Variants in RBFA observed in about 807,000 individuals in gnomAD.
RBFA encodes putative ribosome-binding factor A, mitochondrial.
A neutral mutation model predicts 27.9 loss-of-function variants in RBFA; 16 were observed. That is an observed-to-expected ratio of 0.57 (90% CI 0.39 to 0.87). The LOEUF (loss-of-function observed/expected upper bound fraction) is 0.87. Among genes scored for constraint, RBFA ranks in the 40% least tolerant of loss-of-function variants. The pLI is 0.00. For synonymous variants in RBFA, 181 were observed against 181.0 expected (o/e 1.00, Z 0.00); for missense variants, 456 against 432.1 (o/e 1.06, Z -0.49).
At position 80,047,649 on chromosome 18, in the gene RBFA, C is replaced by G. The variant is rs2052065241; in HGVS notation, c.*1494C>G. ...TAAACTAAGAAGAAAGAATTTAAGG[C>G]AATTTGTAAGGATAGACAAAACCCC... On this transcript the variant is annotated 3_prime_UTR_variant, in exon 7 of 7. Transcript: ENST00000306735. Among the ~76,000 whole-genome samples the G allele has an allele frequency of 6.6e-6, 1 of 151,844 alleles. No individual in the cohort carries two copies. The highest frequency in any genetic ancestry group is 6.6e-5 in the Admixed American group (1 of 15,240).
chr18:80,038,034 G>A (rs1163898226), intron 3 of RBFA, among the ~76,000 whole-genome samples: 1 of 152,228 alleles, frequency 6.6e-6, no homozygotes, highest in South Asian at 2.1e-4. Context: ...ACTGCAAGGC[G>A]GGAGTCCTGT....
Position 80,050,213 on chromosome 18 carries a change from A to G in RBFA, c.*4058A>G, listed in dbSNP as rs953655665. Among the ~76,000 whole-genome samples, 2 of 152,178 alleles carry G rather than the reference A, an allele frequency of 1.3e-5. No individual in the cohort carries two copies. Among genetic ancestry groups the G allele is most frequent in the African/African-American group, 2.4e-5 (1 of 41,444 alleles). On this transcript the variant is annotated 3_prime_UTR_variant, in exon 7 of 7. Transcript: ENST00000306735. The stretch of plus-strand genomic sequence containing the variant: ...AGGGAGAAGGGACAGAGCTAGAGGA[A>G]GGACAGGCCTGTGCCACCCAGGCCA...
chr18:80,037,608 G>C, intron 3 of RBFA, 102 bp downstream of exon 3: 1 of 1,117,240 alleles, frequency 9.0e-7, no homozygotes, highest in African/African-American at 1.6e-5. Context: ...AGACGCTTTA[G>C]ACTGGGCGCG....
Position 80,045,974 on chromosome 18 carries a change from C to T in RBFA, c.851C>T (p.Pro284Leu). 6.2e-7 allele frequency: 1 copy of T among 1,614,092 alleles called. No individual in the cohort carries two copies. The highest frequency in any genetic ancestry group is 1.1e-5 in the South Asian group (1 of 91,078). The change falls in exon 7 of 7, where the codon CCC becomes CTC. Residue 284 changes from proline to leucine, a missense_variant. Coordinates refer to ENST00000306735, the MANE Select transcript of RBFA (RefSeq NM_024805.3). Reference protein sequence around the residue: ...QMKKGRKRAKPRLEQDSSLKS... With the variant: ...QMKKGRKRAKLRLEQDSSLKS... ...AAAAAGGGAAGGAAGAGGGCCAAGC[C>T]CCGCCTGGAGCAGGACAGCTCCCTC...
rs565823333 is a variant in RBFA at position 80,045,841 on chromosome 18, G to A, written c.718G>A (p.Asp240Asn). The A allele has an allele frequency of 4.7e-5, 74 of 1,564,898 alleles. No individual in the cohort carries two copies. The highest frequency in any genetic ancestry group is 5.9e-5 in the Non-Finnish European group (68 of 1,155,614). ...PTTSSSLCGI[D>N]HEALNKQIME... ...CACAAGCTCCAGTCTGTGTGGGATC[G>A]ATCATGAGGCGCTCAACAAGCAGAT... is the stretch of plus-strand genomic sequence containing the variant. Residue 240 changes from aspartate to asparagine, a missense_variant, in exon 7 of 7, where the codon GAT becomes AAT. Coordinates refer to ENST00000306735, the MANE Select transcript of RBFA (RefSeq NM_024805.3).
intron 4 of RBFA, among the ~76,000 whole-genome samples, chr18:80,039,179 G>C (rs1011734430): frequency 6.6e-6 from 1 of 152,166 alleles, no homozygotes; most frequent in Admixed American, 6.5e-5. Context: ...ACCAGGCACA[G>C]TGGCAGCACA....
intron 1 of RBFA, among the ~76,000 whole-genome samples, 180 bp from the exon 2 acceptor site, chr18:80,036,488 G>C (rs2051979704): frequency 6.6e-6 from 1 of 152,150 alleles, no homozygotes; most frequent in Non-Finnish European, 1.5e-5. Flanking sequence ...ACCATCTTCA[G>C]CCTCTTCCCC....
chr18:80,037,896 A>AG (rs886968297), intron 3 of RBFA, among the ~76,000 whole-genome samples: 17 of 133,866 alleles, frequency 1.3e-4, no homozygotes, highest in Admixed American at 3.1e-4. Context: ...CTCAAAAAAA[A>AG]AAAAAGCCAC....
At chr18:80,035,288 C>T (rs1339009603) in intron 1 of RBFA, 1 of 152,424 alleles carries the variant, frequency 6.6e-6, no homozygotes, top group Non-Finnish European at 1.5e-5. Context: ...GAAGCTCATA[C>T]TTTATTCACT....
At chr18:80,044,628 GT>G (rs2052038335) in intron 6 of RBFA, among the ~76,000 whole-genome samples, 1 of 152,248 alleles carries the variant, frequency 6.6e-6, no homozygotes, top group Non-Finnish European at 1.5e-5. Context: ...TGGAACCTGC[GT>G]TTCATTAGGG....
At position 80,046,754 on chromosome 18, in the gene RBFA, G is replaced by C. The variant is rs2052057920; in HGVS notation, c.*599G>C. On this transcript the variant is annotated 3_prime_UTR_variant, in exon 7 of 7. Transcript: ENST00000306735. ...GGGCAGAAAGTGAGTTGGGTTTGCT[G>C]GGGCTTCCTGGGCGACCCCGGCTCT... 1 of 153,090 alleles carries C rather than the reference G, an allele frequency of 6.5e-6. No individual in the cohort carries two copies. 9.5% of individuals were successfully genotyped at this position (153,090 alleles called of 1,614,324 possible). A position where few individuals can be genotyped will look rare whatever the true frequency, so the allele number is the denominator to read the frequency against.
chr18:80,042,877 G>A (rs2052026031), intron 5 of RBFA, among the ~76,000 whole-genome samples: 1 of 152,046 alleles, frequency 6.6e-6, no homozygotes, highest in East Asian at 1.9e-4. Flanking sequence ...TTCCCAGCCA[G>A]GTCCCCAGAA....
chr18:80,038,099 G>C (rs2051992878), intron 3 of RBFA, among the ~76,000 whole-genome samples: 1 of 152,200 alleles, frequency 6.6e-6, no homozygotes, highest in Non-Finnish European at 1.5e-5. Context: ...GCCTGCCGTG[G>C]GAAGAGGATG....
At chr18:80,036,889 C>T (rs2051983161) in intron 2 of RBFA, among the ~76,000 whole-genome samples, 179 bp downstream of exon 2, 1 of 152,148 alleles carries the variant, frequency 6.6e-6, no homozygotes, top group Admixed American at 6.5e-5. Context: ...AATGTACTGA[C>T]ATTAATGTTT....
chr18:80,043,957 A>G (rs1005017352), intron 5 of RBFA, among the ~76,000 whole-genome samples: 7 of 152,254 alleles, frequency 4.6e-5, no homozygotes, highest in African/African-American at 1.7e-4. Flanking sequence ...AATTTGACTA[A>G]CAAGTCTAAA....
At chr18:80,043,984 G>C (rs971491511) in intron 5 of RBFA, among the ~76,000 whole-genome samples, 1 of 152,204 alleles carries the variant, frequency 6.6e-6, no homozygotes, top group Non-Finnish European at 1.5e-5. Context: ...TTTTTAAAAA[G>C]CCTCACTTCG....
chr18:80,038,330 G>A (rs2051994350), intron 3 of RBFA, among the ~76,000 whole-genome samples, 175 bp from the exon 4 acceptor site: 1 of 152,180 alleles, frequency 6.6e-6, no homozygotes, highest in South Asian at 2.1e-4. Context: ...GGTTTCTGGG[G>A]CCCTACTTCA....
At chr18:80,039,321 C>T (rs1298895835) in intron 4 of RBFA, among the ~76,000 whole-genome samples, 3 of 152,128 alleles carry the variant, frequency 2.0e-5, no homozygotes, top group Non-Finnish European at 4.4e-5. Context: ...GGAGCAAGAC[C>T]CTGTTTCTCA....
intron 4 of RBFA, among the ~76,000 whole-genome samples, chr18:80,039,538 T>C (rs2052003203): frequency 1.3e-5 from 2 of 152,012 alleles, no homozygotes; most frequent in South Asian, 2.1e-4. Context: ...AATAAGCGAG[T>C]GAACCTACCA....
Sources: gnomAD v4.1 joint callset for allele counts (sites outside exome capture counted in the v4.1 genomes callset) on GRCh38, gnomAD v4.1.1 for gene constraint, MANE v1.5 for transcripts, NCBI Gene and HGNC (gene_info 2026-07-23, HGNC 2026-07-21) for gene names.